Variants in MCMDC2 observed in about 807,000 individuals in gnomAD.
MCMDC2 encodes minichromosome maintenance domain-containing protein 2.
MCMDC2 carries 54 observed loss-of-function variants against 75.8 expected under a neutral mutation model. The ratio of observed to expected loss-of-function variants is 0.71; its 90% CI spans 0.57 to 0.89. The LOEUF is 0.89. Ranked by LOEUF, MCMDC2 falls within the 40% of genes least tolerant of loss-of-function variation. The pLI is 0.00. For missense variants in MCMDC2, 656 were observed against 780.4 expected (o/e 0.84, Z 1.90); for synonymous variants, 249 against 274.6 (o/e 0.91, Z 0.92).
intron 9 of MCMDC2, among the ~76,000 whole-genome samples, chr8:66,887,569 G>T (rs957133804): frequency 3.1e-4 from 47 of 151,714 alleles, no homozygotes; most frequent in African/African-American, 1.1e-3. Flanking sequence ...AAAAGAAGAA[G>T]AAATCTTTGT....
chr8:66,921,225 T>C lies in MCMDC2; in HGVS notation c.*2056T>C, dbSNP rs1444933177. 6.6e-6 allele frequency: 1 copy of C among 152,140 alleles called. No individual in the cohort carries two copies. Among genetic ancestry groups the C allele is most frequent in the Non-Finnish European group, 1.5e-5 (1 of 68,036 alleles). The allele number at this position is 152,140 out of a possible 1,614,324, so 9.4% of individuals were successfully genotyped here. ...ATTAATATTAAATATGCCAACGGTATTTTAAAGGTTATTGGAGAATTAGAA... is the reference window on the plus strand; with the variant it reads ...ATTAATATTAAATATGCCAACGGTACTTTAAAGGTTATTGGAGAATTAGAA... On this transcript the variant is annotated 3_prime_UTR_variant, in exon 15 of 15. Coordinates refer to ENST00000422365, the MANE Select transcript of MCMDC2 (RefSeq NM_173518.5).
intron 9 of MCMDC2, among the ~76,000 whole-genome samples, chr8:66,889,121 G>A (rs1393797841): frequency 6.6e-6 from 1 of 152,056 alleles, no homozygotes; most frequent in Non-Finnish European, 1.5e-5. Flanking sequence ...TCACTCTTTT[G>A]CACTGCATGT....
intron 14 of MCMDC2, among the ~76,000 whole-genome samples, chr8:66,916,269 A>G (rs1196025927): frequency 6.6e-6 from 1 of 152,204 alleles, no homozygotes; most frequent in Non-Finnish European, 1.5e-5. Flanking sequence ...GTTAGGATCC[A>G]GGGTACATGT....
At chr8:66,916,474 G>A (rs1039150103) in intron 14 of MCMDC2, among the ~76,000 whole-genome samples, 6 of 152,150 alleles carry the variant, frequency 3.9e-5, no homozygotes, top group Non-Finnish European at 7.4e-5. Flanking sequence ...GCAGGTGATC[G>A]TTTGGAGTTA....
At chr8:66,896,712 T>TTAATTACAAAG in intron 11 of MCMDC2, 68 bp from the exon 12 acceptor site, 1 of 1,122,348 alleles carries the variant, frequency 8.9e-7, no homozygotes, top group Non-Finnish European at 1.2e-6. Flanking sequence ...TACTTTGTAA[T>TTAATTACAAAG]TAATTATTTC....
chr8:66,877,856 C>T (rs1811367744), intron 5 of MCMDC2, among the ~76,000 whole-genome samples: 1 of 142,158 alleles, frequency 7.0e-6, no homozygotes, highest in African/African-American at 2.6e-5. Flanking sequence ...CAAAGAGTGA[C>T]CCTGTCTAAA....
intron 14 of MCMDC2, among the ~76,000 whole-genome samples, chr8:66,908,416 GACC>G: frequency 6.6e-6 from 1 of 152,040 alleles, no homozygotes; most frequent in Admixed American, 6.6e-5. Context: ...CTATGTTTAA[GACC>G]ACATTTCATT....
intron 12 of MCMDC2, among the ~76,000 whole-genome samples, chr8:66,900,113 C>T (rs1037863983): frequency 6.6e-6 from 1 of 151,362 alleles, no homozygotes; most frequent in African/African-American, 2.4e-5. Flanking sequence ...CCAGCCTGGG[C>T]GATAGAGCAA....
chr8:66,901,154 A>G, intron 12 of MCMDC2, 52 bp from the exon 13 acceptor site: 1 of 1,351,698 alleles, frequency 7.4e-7, no homozygotes, highest in East Asian at 2.3e-5. Context: ...GATTTCTGTT[A>G]TATTGATTCC....
At chr8:66,915,327 C>A (rs1183954850) in intron 14 of MCMDC2, among the ~76,000 whole-genome samples, 1 of 151,780 alleles carries the variant, frequency 6.6e-6, no homozygotes, top group Non-Finnish European at 1.5e-5. Context: ...TGGCGCGCGT[C>A]TGTAATCCCA....
intron 12 of MCMDC2, among the ~76,000 whole-genome samples, chr8:66,898,229 A>G (rs2130839989): frequency 6.6e-6 from 1 of 152,330 alleles, no homozygotes; most frequent in East Asian, 1.9e-4. Context: ...TTAATTATTC[A>G]GGTATTTACT....
At chr8:66,925,116 A>G (rs927709611), downstream of MCMDC2, among the ~76,000 whole-genome samples, 1 of 152,244 alleles carries the variant, frequency 6.6e-6, no homozygotes, top group African/African-American at 2.4e-5. Flanking sequence ...TGGAGCACGA[A>G]GCCTCCCGAC....
intron 9 of MCMDC2, among the ~76,000 whole-genome samples, chr8:66,885,088 C>T (rs1811773094): frequency 6.6e-6 from 1 of 152,090 alleles, no homozygotes; most frequent in African/African-American, 2.4e-5. Context: ...AATCCCAGCA[C>T]TTTGGGAGGC....
intron 13 of MCMDC2, among the ~76,000 whole-genome samples, chr8:66,904,010 AATATGAAAAG>A (rs1308292560): frequency 1.1e-4 from 16 of 152,198 alleles, no homozygotes; most frequent in African/African-American, 3.6e-4. Flanking sequence ...AATGTGGCTT[AATATGAAAAG>A]ATATGAAAAG....
rs1366567131 is a variant in MCMDC2 at position 66,920,837 on chromosome 8, T to C, written c.*1668T>C. On this transcript the variant is annotated 3_prime_UTR_variant, in exon 15 of 15. Transcript: ENST00000422365. ...ACAGGGACATGCTACCACCCTGGGA[T>C]AACTTCTGCATTTTTTGTAGAGATG... 2 of 152,102 alleles carry C rather than the reference T, an allele frequency of 1.3e-5. No homozygotes were observed. Among genetic ancestry groups the C allele is most frequent in the African/African-American group, 4.8e-5 (2 of 41,408 alleles). The allele number at this position is 152,102 out of a possible 1,614,324, so 9.4% of individuals were successfully genotyped here.
At chr8:66,899,955 A>G (rs1220675794) in intron 12 of MCMDC2, among the ~76,000 whole-genome samples, 2 of 141,794 alleles carry the variant, frequency 1.4e-5, no homozygotes, top group Non-Finnish European at 3.1e-5. Flanking sequence ...AACTGTCTCT[A>G]CTAAAAATAC....
intron 12 of MCMDC2, among the ~76,000 whole-genome samples, chr8:66,900,787 G>A (rs1386404965): frequency 3.3e-5 from 5 of 152,188 alleles, no homozygotes; most frequent in Non-Finnish European, 5.9e-5. Context: ...CATACCAAAC[G>A]TTGTGTTCTT....
chr8:66,923,724 C>G (rs1476538549), downstream of MCMDC2, among the ~76,000 whole-genome samples: 9 of 151,962 alleles, frequency 5.9e-5, no homozygotes, highest in South Asian at 1.9e-3. Flanking sequence ...CCCATCTCCA[C>G]TAAAAATACA....
chr8:66,905,219 T>A lies in MCMDC2; in HGVS notation c.1770-7T>A. The A allele has an allele frequency of 7.1e-7, 1 of 1,403,294 alleles. No homozygotes were observed. 86.9% of individuals were successfully genotyped at this position (1,403,294 alleles called of 1,614,324 possible). A position where few individuals can be genotyped will look rare whatever the true frequency, so the allele number is the denominator to read the frequency against. On this transcript the variant is annotated splice_region_variant and splice_polypyrimidine_tract_variant and intron_variant, in intron 13 of 14. Coordinates refer to ENST00000422365, the MANE Select transcript of MCMDC2 (RefSeq NM_173518.5). ...ATATTTTCTTTGGCAACTATTTTCT[T>A]TTTTAGCGTTTTCCTATCTGAAGCC...
Sources: allele counts gnomAD v4.1 joint callset (sites outside exome capture counted in the v4.1 genomes callset), GRCh38; gene constraint gnomAD v4.1.1; transcripts MANE v1.5; gene names NCBI Gene and HGNC (gene_info 2026-07-23, HGNC 2026-07-21).